Variants in TCF3 observed in about 807,000 individuals in gnomAD.
TCF3 encodes transcription factor E2-alpha.
A neutral mutation model predicts 72.3 loss-of-function variants in TCF3; 54 were observed. That is an observed-to-expected ratio of 0.75 (90% CI 0.60 to 0.94). The LOEUF (loss-of-function observed/expected upper bound fraction) is 0.94, where lower values mean the gene tolerates loss of function less well. Ranked by LOEUF, TCF3 falls within the 40% of genes least tolerant of loss-of-function variation. The pLI, the probability that TCF3 is intolerant of heterozygous loss-of-function variation, is 0.00. For missense variants in TCF3, 1,078 were observed against 934.4 expected, an observed-to-expected ratio of 1.15 and a Z score of -2.00; for synonymous variants, 525 against 412.6, an observed-to-expected ratio of 1.27 and a Z score of -3.30.
intron 18 of TCF3, among the ~76,000 whole-genome samples, chr19:1,612,887 TGTG>T (rs1216894869): frequency 6.7e-6 from 1 of 148,162 alleles, no homozygotes; most frequent in Admixed American, 6.7e-5. Context: ...ACATGGCTGG[TGTG>T]GGTGTGGACA....
At chr19:1,627,570 C>A (rs936132487) in intron 5 of TCF3, 144 bp from the exon 6 acceptor site, 67 of 710,932 alleles carry the variant, frequency 9.4e-5, no homozygotes, top group Non-Finnish European at 3.6e-5. Flanking sequence ...CAGAGCCTGA[C>A]CCCAGTGTGC....
At chr19:1,651,246 CCCAGGTGGGGA>C (rs2066992454) in intron 1 of TCF3, 1 of 227,068 alleles carries the variant, frequency 4.4e-6, no homozygotes, top group Non-Finnish European at 8.8e-6. Flanking sequence ...CCCAGGGGTC[CCCAGGTGGGGA>C]CGGGGGCAGC....
In TCF3 at chr19:1,611,481, G is replaced by A. The variant is rs1371384766; in HGVS notation, c.*226C>T. 3.5e-5 allele frequency: 18 copies of A among 510,996 alleles called. No homozygotes were observed. The highest frequency in any genetic ancestry group is 2.0e-5 in the Non-Finnish European group (6 of 295,394). The allele number at this position is 510,996 out of a possible 1,614,324, so 31.7% of individuals were successfully genotyped here. ...ACGGTGGCTGAGATTCGGGGACAGGGGGAGCGAGGCCAGTGAGTGGTAGGC... is the reference window on the plus strand; with the variant it reads ...ACGGTGGCTGAGATTCGGGGACAGGAGGAGCGAGGCCAGTGAGTGGTAGGC... On this transcript the variant is annotated 3_prime_UTR_variant, in exon 19 of 19. Transcript: ENST00000262965.
In TCF3 at chr19:1,610,773, G is replaced by A. The variant is rs1292110078; in HGVS notation, c.*934C>T. The A allele has an allele frequency of 4.3e-6, 1 of 232,384 alleles. No homozygotes were observed. The highest frequency in any genetic ancestry group is 8.5e-6 in the Non-Finnish European group (1 of 117,506). The allele number at this position is 232,384 out of a possible 1,614,324, so 14.4% of individuals were successfully genotyped here. A position where few individuals can be genotyped will look rare whatever the true frequency, so the allele number is the denominator to read the frequency against. On this transcript the variant is annotated 3_prime_UTR_variant, in exon 19 of 19. Transcript: ENST00000262965. Reference sequence around the variant, plus strand: ...AAGCCCAGGTCAGTCCCCTTCCTGAGGGGAGAGGATGCGGCAGGGAAGCCC... The same window carrying A: ...AAGCCCAGGTCAGTCCCCTTCCTGAAGGGAGAGGATGCGGCAGGGAAGCCC...
Position 1,610,432 on chromosome 19 carries a change from G to A in TCF3, c.*1275C>T, listed in dbSNP as rs1157398858. ...TAATGGGGACATGGTGGGGTGGGGT[G>A]GGGGGTGTCCTGTGCTGGCTCCTGA... On this transcript the variant is annotated 3_prime_UTR_variant, in exon 19 of 19. Transcript: ENST00000262965. 8.7e-6 allele frequency: 2 copies of A among 229,230 alleles called. No homozygotes were observed. Among genetic ancestry groups the A allele is most frequent in the Non-Finnish European group, 1.7e-5 (2 of 115,720 alleles). The allele number at this position is 229,230 out of a possible 1,614,324, so 14.2% of individuals were successfully genotyped here. A position where few individuals can be genotyped will look rare whatever the true frequency, so the allele number is the denominator to read the frequency against.
chr19:1,650,122 C>A, intron 2 of TCF3, 55 bp downstream of exon 2: 1 of 1,493,920 alleles, frequency 6.7e-7, no homozygotes, highest in Non-Finnish European at 9.1e-7. Flanking sequence ...GAAAACCTTC[C>A]CGTGAACTGT....
Position 1,625,566 on chromosome 19 carries a change from C to G in TCF3, c.499+10G>C, listed in dbSNP as rs761148750. 1.1e-5 allele frequency: 18 copies of G among 1,575,870 alleles called. No individual in the cohort carries two copies. Among genetic ancestry groups the G allele is most frequent in the Non-Finnish European group, 1.5e-5 (18 of 1,165,010 alleles). The stretch of plus-strand genomic sequence containing the variant: ...AGAAGCCCCCGATGCCCCGGCCAGA[C>G]CCCGCTCACCTAGGCTGCCGTCTGC... On this transcript the variant is annotated intron_variant, in intron 7 of 18. Coordinates refer to ENST00000262965, the MANE Select transcript of TCF3 (RefSeq NM_003200.5).
At chr19:1,641,377 G>A (rs1023668818) in intron 3 of TCF3, among the ~76,000 whole-genome samples, 2 of 152,156 alleles carry the variant, frequency 1.3e-5, no homozygotes, top group Admixed American at 6.5e-5. Flanking sequence ...AGCACTCTGG[G>A]AGGCTGAGGT....
intron 7 of TCF3, 99 bp from the exon 8 acceptor site, chr19:1,624,099 A>G: frequency 7.7e-7 from 1 of 1,296,412 alleles, no homozygotes; most frequent in Non-Finnish European, 1.1e-6. Flanking sequence ...CGTTTCATAT[A>G]TTAAAAACCT....
At position 1,610,064 on chromosome 19, in the gene TCF3, C is replaced by G. The variant is rs572960422; in HGVS notation, c.*1643G>C. 3.9e-5 allele frequency: 9 copies of G among 232,598 alleles called. No individual in the cohort carries two copies. Among genetic ancestry groups the G allele is most frequent in the African/African-American group, 1.8e-4 (8 of 45,398 alleles). 14.4% of individuals were successfully genotyped at this position (232,598 alleles called of 1,614,324 possible). A position where few individuals can be genotyped will look rare whatever the true frequency, so the allele number is the denominator to read the frequency against. ...ATGGGATCCCAGGGTAGGAGACTTG[C>G]AGTTTTAAACCCAAGACAGTCCCCA... On this transcript the variant is annotated 3_prime_UTR_variant, in exon 19 of 19. Coordinates refer to ENST00000262965, the MANE Select transcript of TCF3 (RefSeq NM_003200.5).
rs774147274 is a variant in TCF3, at chr19:1,612,283, C to T, written c.1823-434G>A. 195 of 1,613,334 alleles carry T rather than the reference C, an allele frequency of 1.2e-4. 1 individual carries two copies. The highest frequency in any genetic ancestry group is 1.6e-4 in the Middle Eastern group (1 of 6,078). ...TGAGCAGCTTGGTCTGCGCTTTGTC[C>T]GACTTGAGGTGCATCTGGCACATGC... On this transcript the variant is annotated intron_variant, in intron 18 of 18. Coordinates refer to ENST00000262965, the MANE Select transcript of TCF3 (RefSeq NM_003200.5).
chr19:1,618,173 C>G (rs1051017800), intron 16 of TCF3, among the ~76,000 whole-genome samples: 1 of 152,112 alleles, frequency 6.6e-6, no homozygotes, highest in Non-Finnish European at 1.5e-5. Context: ...GCCCCAGTGT[C>G]ACCCACAGCT....
In TCF3 at chr19:1,622,337, A is replaced by T. The variant is rs1234674635; in HGVS notation, c.628T>A (p.Tyr210Asn). The change falls in exon 9 of 19, where the codon TAT becomes AAT. Residue 210 changes from tyrosine (Y) to asparagine (N), a missense_variant. By Grantham distance (143) the Tyr-to-Asn change is moderately radical. Coordinates refer to ENST00000262965, the MANE Select transcript of TCF3 (RefSeq NM_003200.5). ...CCTGCCACGTAGAAGGGGGCGGGAT[A>T]GGTGCTGCTGGGGGTCTTGGCGGAC... Reference protein sequence around the residue: ...YPSAKTPSSTYPAPFYVADGS... With the variant: ...YPSAKTPSSTNPAPFYVADGS... The T allele has an allele frequency of 6.8e-7, 1 of 1,476,646 alleles. No individual in the cohort carries two copies. The highest frequency in any genetic ancestry group is 9.1e-7 in the Non-Finnish European group (1 of 1,103,218). The allele number at this position is 1,476,646 out of a possible 1,614,324, so 91.5% of individuals were successfully genotyped here.
intron 3 of TCF3, among the ~76,000 whole-genome samples, chr19:1,638,850 A>G (rs2064835365): frequency 6.6e-6 from 1 of 152,228 alleles, no homozygotes; most frequent in Admixed American, 6.5e-5. Flanking sequence ...TGGAAAAACA[A>G]AATAAGACGA....
Position 1,615,967 on chromosome 19 carries a change from C to G in TCF3, c.1451-146G>C. 1.0e-6 allele frequency: 1 copy of G among 957,142 alleles called. No homozygotes were observed. Among genetic ancestry groups the G allele is most frequent in the South Asian group, 2.1e-5 (1 of 46,890 alleles). The allele number at this position is 957,142 out of a possible 1,614,324, so 59.3% of individuals were successfully genotyped here. A position where few individuals can be genotyped will look rare whatever the true frequency, so the allele number is the denominator to read the frequency against. ...AAAAACAAAAAACCAACAACCAGAACTGGATCCCTACCTCACGCCATGTGT... is the reference window on the plus strand; with the variant it reads ...AAAAACAAAAAACCAACAACCAGAAGTGGATCCCTACCTCACGCCATGTGT... On this transcript the variant is annotated intron_variant, in intron 16 of 18. Coordinates refer to ENST00000262965, the MANE Select transcript of TCF3 (RefSeq NM_003200.5). The surrounding 1 kb of genome is among the most constrained non-coding windows in gnomAD (Gnocchi z 7.3).
At chr19:1,633,639 G>A (rs1015096608) in intron 3 of TCF3, among the ~76,000 whole-genome samples, 1 of 152,150 alleles carries the variant, frequency 6.6e-6, no homozygotes, top group African/African-American at 2.4e-5. Flanking sequence ...GCCTCATTTA[G>A]ATTTTGTTTT....
intron 3 of TCF3, 51 bp from the exon 4 acceptor site, chr19:1,632,456 C>A: frequency 3.9e-6 from 6 of 1,531,156 alleles, no homozygotes; most frequent in Non-Finnish European, 5.3e-6. Context: ...CTGCCCAGCT[C>A]TAAAAGCTTC....
intron 10 of TCF3, 41 bp from the exon 11 acceptor site, chr19:1,622,011 T>A (rs773519989): frequency 1.3e-6 from 2 of 1,596,906 alleles, no homozygotes; most frequent in African/African-American, 2.7e-5. Flanking sequence ...AGATGGGCAC[T>A]GCCACCCTCC....
Position 1,619,486 on chromosome 19 carries a change from G to A in TCF3, c.1168-12C>T, listed in dbSNP as rs977624396. The A allele has an allele frequency of 1.9e-6, 3 of 1,566,760 alleles. No homozygotes were observed. The highest frequency in any genetic ancestry group is 1.7e-5 in the Admixed American group (1 of 57,636). On this transcript the variant is annotated splice_polypyrimidine_tract_variant and intron_variant, in intron 14 of 18. Coordinates refer to ENST00000262965, the MANE Select transcript of TCF3 (RefSeq NM_003200.5). ...TCTATCTTACTCTGCTGCAGGGTGG[G>A]GGGATGGGTGGTGAGGGGCCCAAGC...
Sources: gnomAD v4.1 joint callset for allele counts (sites outside exome capture counted in the v4.1 genomes callset) on GRCh38, gnomAD v4.1.1 for gene constraint, Gnocchi (gnomAD v3.1) non-coding constraint, MANE v1.5 for transcripts, NCBI Gene and HGNC (gene_info 2026-07-23, HGNC 2026-07-21) for gene names.